The following FLRT2 variants were observed in gnomAD, a reference collection of about 807,000 sequenced individuals.
The protein encoded by FLRT2 is leucine-rich repeat transmembrane protein FLRT2.
In FLRT2, 15 loss-of-function variants were observed where a neutral mutation model predicts 40.0. The observed-to-expected ratio is 0.38, with a 90% CI of 0.25 to 0.58. The LOEUF is 0.58. Among genes scored for constraint, FLRT2 ranks in the 20% least tolerant of loss-of-function variants. The pLI is 0.71. For missense variants in FLRT2, 726 were observed against 840.0 expected (o/e 0.86, Z 1.68); for synonymous variants, 380 against 336.8 (o/e 1.13, Z -1.41).
intron 1 of FLRT2, among the ~76,000 whole-genome samples, chr14:85,586,025 T>A (rs1371769738): frequency 6.7e-6 from 1 of 148,660 alleles, no homozygotes; most frequent in Non-Finnish European, 1.5e-5. Flanking sequence ...ATGAAATATA[T>A]ATTTAATTAA....
chr14:85,569,702 G>A (rs1185552334), intron 1 of FLRT2, among the ~76,000 whole-genome samples: 1 of 152,142 alleles, frequency 6.6e-6, no homozygotes, highest in African/African-American at 2.4e-5. Context: ...TTTTAGCAGA[G>A]CTAATAAAAA....
chr14:85,540,065 T>A (rs981905896), intron 1 of FLRT2, among the ~76,000 whole-genome samples: 1 of 152,094 alleles, frequency 6.6e-6, no homozygotes, highest in African/African-American at 2.4e-5. Flanking sequence ...TTTTGAGGAT[T>A]TTTTTTGGAA....
intron 1 of FLRT2, among the ~76,000 whole-genome samples, chr14:85,545,357 A>C (rs1889221262): frequency 1.3e-5 from 2 of 152,236 alleles, no homozygotes; most frequent in Non-Finnish European, 2.9e-5. Flanking sequence ...CACAAAGGGA[A>C]ACTGAAGTAG....
At chr14:85,591,947 A>G (rs1239310074) in intron 1 of FLRT2, among the ~76,000 whole-genome samples, 1 of 152,198 alleles carries the variant, frequency 6.6e-6, no homozygotes, top group East Asian at 1.9e-4. Flanking sequence ...ATGCTATATA[A>G]TTTTAATATG....
chr14:85,622,536 G>C lies in FLRT2; in HGVS notation c.1022G>C (p.Gly341Ala). The change falls in exon 2 of 2, where the codon GGT becomes GCT. Residue 341 changes from glycine (G) to alanine (A), a missense_variant. Coordinates refer to ENST00000330753, the MANE Select transcript of FLRT2 (RefSeq NM_013231.6). ...SLNVRGFMCQ[G>A]PEQVRGMAVR... ...AACGTGCGGGGTTTCATGTGCCAAG[G>C]TCCTGAACAAGTCCGGGGGATGGCC... The C allele has an allele frequency of 6.2e-7, 1 of 1,613,948 alleles. No individual in the cohort carries two copies. The highest frequency in any genetic ancestry group is 1.1e-5 in the South Asian group (1 of 91,072).
chr14:85,621,524 C>T lies in FLRT2; in HGVS notation c.10C>T (p.Gln4Ter). Residue 4 changes from glutamine to a stop codon, truncating the protein, a stop_gained, in exon 2 of 2, where the codon CAG becomes TAG. Transcript: ENST00000330753. LOFTEE classifies it high-confidence loss of function. ...TTTCCGTACTTCAGAAATGGGCCTA[C>T]AGACCACAAAGTGGCCCAGCCATGG... MGL[Q>*]TTKWPSHGAF... 1 of 1,608,326 alleles carries T rather than the reference C, an allele frequency of 6.2e-7. No individual in the cohort carries two copies. The highest frequency in any genetic ancestry group is 8.5e-7 in the Non-Finnish European group (1 of 1,177,222).
chr14:85,645,257 T>C lies in FLRT2; in HGVS notation c.*21760T>C, dbSNP rs1242269108. ...ATATACATATATGTATACATGTGTA[T>C]ATATGTATACATGTGTATATATGTA... On this transcript the variant is annotated 3_prime_UTR_variant, in exon 2 of 2. Transcript: ENST00000330753. 1 of 151,088 alleles carries C rather than the reference T, an allele frequency of 6.6e-6. No homozygotes were observed. Among genetic ancestry groups the C allele is most frequent in the Non-Finnish European group, 1.5e-5 (1 of 67,932 alleles). The allele number at this position is 151,088 out of a possible 1,614,324, so 9.4% of individuals were successfully genotyped here.
intron 1 of FLRT2, among the ~76,000 whole-genome samples, chr14:85,559,986 T>C (rs576828082): frequency 2.6e-4 from 40 of 152,336 alleles, no homozygotes; most frequent in Middle Eastern, 3.4e-3. Flanking sequence ...TGCCGGGTCC[T>C]CCATCTCACT....
At chr14:85,575,536 T>G (rs1891092561) in intron 1 of FLRT2, among the ~76,000 whole-genome samples, 1 of 152,158 alleles carries the variant, frequency 6.6e-6, no homozygotes, top group Non-Finnish European at 1.5e-5. Context: ...ACAGTGGTGA[T>G]CCCAGGCAAA....
chr14:85,550,040 A>G (rs922892654), intron 1 of FLRT2, among the ~76,000 whole-genome samples: 3 of 18,992 alleles, frequency 1.6e-4, no homozygotes, highest in Non-Finnish European at 3.4e-4. Flanking sequence ...ATTTCTGGGA[A>G]AAAAAAAAAA....
intron 1 of FLRT2, among the ~76,000 whole-genome samples, chr14:85,534,321 A>G (rs771791595): frequency 6.6e-6 from 1 of 152,056 alleles, no homozygotes; most frequent in Non-Finnish European, 1.5e-5. Flanking sequence ...CACTTACCGC[A>G]CGCTCCCCCC....
rs1169122525 is a variant in FLRT2, at chr14:85,643,287, TTTTTTTTCTTTCTTTCTTTCTTTCTTTC to T, written c.*19794_*19821del. ...CATGAGAGAGTTCAGAGGGTATTTC[TTTTTTTTCTTTCTTTCTTTCTTTCTTTC>T]TTTCTTTCTTTCTTTCTTTCTTTCT... On this transcript the variant is annotated 3_prime_UTR_variant, in exon 2 of 2. Transcript: ENST00000330753. The T allele has an allele frequency of 9.8e-5, 14 of 143,278 alleles. No homozygotes were observed. Among genetic ancestry groups the T allele is most frequent in the African/African-American group, 3.4e-4 (13 of 37,918 alleles). The allele number at this position is 143,278 out of a possible 1,614,324, so 8.9% of individuals were successfully genotyped here. A position where few individuals can be genotyped will look rare whatever the true frequency, so the allele number is the denominator to read the frequency against.
At chr14:85,610,853 T>G (rs868865100) in intron 1 of FLRT2, among the ~76,000 whole-genome samples, 23 of 152,208 alleles carry the variant, frequency 1.5e-4, no homozygotes, top group African/African-American at 4.8e-4. Flanking sequence ...TTCATGACGT[T>G]GCTTACAATT....
At chr14:85,556,663 G>A (rs1366134985) in intron 1 of FLRT2, among the ~76,000 whole-genome samples, 2 of 152,176 alleles carry the variant, frequency 1.3e-5, no homozygotes, top group East Asian at 1.9e-4. Context: ...TTCTCATGTA[G>A]AGCCTGGAGA....
At chr14:85,533,323 T>G (rs1294047357) in intron 1 of FLRT2, among the ~76,000 whole-genome samples, 1 of 151,414 alleles carries the variant, frequency 6.6e-6, no homozygotes, top group Non-Finnish European at 1.5e-5. Context: ...GGCGCCTACA[T>G]TAGCCCGGCC....
intron 1 of FLRT2, among the ~76,000 whole-genome samples, chr14:85,611,885 GGAGA>G (rs74264052): frequency 0.32 from 45,716 of 142,880 alleles, 8,196 homozygotes; most frequent in Non-Finnish European, 0.41. Context: ...TCATGTGAGG[GGAGA>G]GAGAGAGAGA....
Position 85,624,717 on chromosome 14 carries a change from A to G in FLRT2, c.*1220A>G, listed in dbSNP as rs1893596843. ...TCTCCCTCTGTTCAGTATTTCAAGG[A>G]AAATTATGGATGCCAGTCTTGGCTG... On this transcript the variant is annotated 3_prime_UTR_variant, in exon 2 of 2. Transcript: ENST00000330753. 1 of 166,950 alleles carries G rather than the reference A, an allele frequency of 6.0e-6. No homozygotes were observed. Among genetic ancestry groups the G allele is most frequent in the Admixed American group, 6.5e-5 (1 of 15,288 alleles). 10.3% of individuals were successfully genotyped at this position (166,950 alleles called of 1,614,324 possible).
rs374827531 is a variant in FLRT2 at position 85,596,773 on chromosome 14, C to T, written c.-376-24366C>T. Reference sequence around the variant, plus strand: ...GGCACAGATGAGAACATGCTAGTTGCGCCTTGTTATGGGGTGTGTTGACTT... The same window carrying T: ...GGCACAGATGAGAACATGCTAGTTGTGCCTTGTTATGGGGTGTGTTGACTT... On this transcript the variant is annotated intron_variant, in intron 1 of 1. Coordinates refer to ENST00000330753, the MANE Select transcript of FLRT2 (RefSeq NM_013231.6). Among the ~76,000 whole-genome samples the T allele has an allele frequency of 7.9e-5, 12 of 152,066 alleles. No homozygotes were observed. In the East Asian group the frequency reaches 9.6e-4, roughly 12 times the overall value.
rs1235875095 is a variant in FLRT2 at position 85,643,360 on chromosome 14, TTCC to T, written c.*19865_*19867del. The T allele has an allele frequency of 7.6e-6, 1 of 131,650 alleles. No individual in the cohort carries two copies. Among genetic ancestry groups the T allele is most frequent in the Non-Finnish European group, 1.6e-5 (1 of 62,734 alleles). The allele number at this position is 131,650 out of a possible 1,614,324, so 8.2% of individuals were successfully genotyped here. On this transcript the variant is annotated 3_prime_UTR_variant, in exon 2 of 2. Coordinates refer to ENST00000330753, the MANE Select transcript of FLRT2 (RefSeq NM_013231.6). Reference sequence around the variant, plus strand: ...CTTTCTTTCTTTCTTTCTTTCTTCCTTCCTTCCTTCCTTCCTTTCTTTCCTTTC... The same window carrying T: ...CTTTCTTTCTTTCTTTCTTTCTTCCTTTCCTTCCTTCCTTTCTTTCCTTTC...
Sources: allele counts gnomAD v4.1 joint callset (sites outside exome capture counted in the v4.1 genomes callset), GRCh38; gene constraint gnomAD v4.1.1; transcripts MANE v1.5; gene names NCBI Gene and HGNC (gene_info 2026-07-23, HGNC 2026-07-21).